Variants in CNBD1 observed in about 807,000 individuals in gnomAD.
The protein encoded by CNBD1 is cyclic nucleotide-binding domain-containing protein 1.
Under a neutral mutation model 54.4 loss-of-function variants are expected in CNBD1, and 71 were observed. That is an observed-to-expected ratio of 1.30 (90% confidence interval 1.08 to 1.59). The LOEUF (loss-of-function observed/expected upper bound fraction) is 1.59, where lower values mean the gene tolerates loss of function less well. Among genes scored for constraint, CNBD1 ranks in the 40% most tolerant of loss-of-function variants. The pLI is 0.00. For missense variants in CNBD1, 659 were observed against 518.0 expected (o/e 1.27, Z -2.64); for synonymous variants, 182 against 170.7 (o/e 1.07, Z -0.51).
At chr8:86,894,938 C>T (rs1157137299) in intron 2 of CNBD1, among the ~76,000 whole-genome samples, 2 of 152,098 alleles carry the variant, frequency 1.3e-5, no homozygotes, top group Non-Finnish European at 2.9e-5. Context: ...TCGCATCTGG[C>T]AAGGGTGATC....
At chr8:87,389,227 C>T (rs1167691129) in intron 2 of CNBD1, among the ~76,000 whole-genome samples, 2 of 152,128 alleles carry the variant, frequency 1.3e-5, no homozygotes, top group Admixed American at 6.5e-5. Flanking sequence ...TGCTATTCAA[C>T]ATAGTGTTGG....
At chr8:87,061,165 A>G (rs1474442460) in intron 4 of CNBD1, among the ~76,000 whole-genome samples, 12 of 152,178 alleles carry the variant, frequency 7.9e-5, no homozygotes, top group Admixed American at 7.9e-4. Flanking sequence ...CTCTTGTACC[A>G]TTGGAAAAAA....
chr8:87,356,595 C>T (rs966074827), intron 10 of CNBD1, among the ~76,000 whole-genome samples: 5 of 151,008 alleles, frequency 3.3e-5, no homozygotes, highest in South Asian at 2.1e-4. Flanking sequence ...CATCCAACAA[C>T]GTACAATCAT....
At chr8:87,362,543 T>C (rs1250133482) in intron 10 of CNBD1, among the ~76,000 whole-genome samples, 1 of 152,066 alleles carries the variant, frequency 6.6e-6, no homozygotes, top group East Asian at 1.9e-4. Context: ...TTGAGACAGA[T>C]TTTTAATCAT....
At chr8:86,887,656 G>A (rs1345992543) in intron 2 of CNBD1, 45 bp downstream of exon 2, 6 of 1,348,240 alleles carry the variant, frequency 4.5e-6, no homozygotes, top group Non-Finnish European at 6.2e-6. Context: ...AAATGAATAT[G>A]AGTATTTTTG....
At chr8:87,150,840 T>C (rs974270752) in intron 4 of CNBD1, among the ~76,000 whole-genome samples, 27 of 152,148 alleles carry the variant, frequency 1.8e-4, no homozygotes, top group Middle Eastern at 3.2e-3. Flanking sequence ...AAGAGATAGC[T>C]CTTGGGTGCT....
intron 4 of CNBD1, among the ~76,000 whole-genome samples, chr8:86,996,447 TA>T (rs1271757160): frequency 6.6e-6 from 1 of 152,376 alleles, no homozygotes; most frequent in African/African-American, 2.4e-5. Flanking sequence ...AACTAGTTTA[TA>T]AACCTGATCA....
intron 9 of CNBD1, 33 bp downstream of exon 9, chr8:87,351,827 T>A (rs975024097): frequency 6.3e-6 from 9 of 1,422,286 alleles, no homozygotes; most frequent in Non-Finnish European, 8.3e-6. Context: ...TTTTAATCAA[T>A]TAATCTACTC....
In CNBD1 at chr8:86,946,228, A is replaced by G. The variant is rs368793352; in HGVS notation, c.431+6474A>G. 3.9e-5 allele frequency among the ~76,000 whole-genome samples: 6 copies of G among 152,288 alleles called. No individual in the cohort carries two copies. In the East Asian group the frequency reaches 5.8e-4, roughly 15 times the overall value. Reference sequence around the variant, plus strand: ...TAATAATGTGTTTCATTTTTAATATATTCAAGAAAGAATATTCAAATTTCT... The same window carrying G: ...TAATAATGTGTTTCATTTTTAATATGTTCAAGAAAGAATATTCAAATTTCT... On this transcript the variant is annotated intron_variant, in intron 4 of 10. Transcript: ENST00000518476.
At chr8:87,107,628 C>T (rs1022779628) in intron 4 of CNBD1, among the ~76,000 whole-genome samples, 3 of 152,176 alleles carry the variant, frequency 2.0e-5, no homozygotes, top group Non-Finnish European at 4.4e-5. Flanking sequence ...CTAGTATATC[C>T]TTGTATCCCT....
intron 8 of CNBD1, among the ~76,000 whole-genome samples, chr8:87,319,827 AT>A (rs1298274998): frequency 6.6e-6 from 1 of 152,102 alleles, no homozygotes; most frequent in African/African-American, 2.4e-5. Context: ...TGTTCATTTT[AT>A]GCTTAGATAA....
At chr8:87,325,448 G>A (rs1254719971) in intron 8 of CNBD1, among the ~76,000 whole-genome samples, 1 of 89,214 alleles carries the variant, frequency 1.1e-5, no homozygotes, top group Non-Finnish European at 2.2e-5. Flanking sequence ...AAGTCTCTTT[G>A]TAGGTCACTC....
At chr8:87,067,968 T>C (rs1810687860) in intron 4 of CNBD1, among the ~76,000 whole-genome samples, 1 of 152,024 alleles carries the variant, frequency 6.6e-6, no homozygotes, top group Admixed American at 6.6e-5. Context: ...TAAAAAATAA[T>C]AGCCAAATAA....
intron 4 of CNBD1, among the ~76,000 whole-genome samples, chr8:87,042,355 G>A (rs939806165): frequency 1.3e-5 from 2 of 152,116 alleles, no homozygotes; most frequent in Admixed American, 1.3e-4. Flanking sequence ...TTAAAACCAC[G>A]GTCTTGAAAA....
At chr8:87,245,697 A>C (rs1807787837) in intron 6 of CNBD1, among the ~76,000 whole-genome samples, 1 of 151,930 alleles carries the variant, frequency 6.6e-6, no homozygotes. Flanking sequence ...GAAGCGCCTG[A>C]TATTGTGTAC....
chr8:86,977,862 G>C (rs558909366), intron 4 of CNBD1, among the ~76,000 whole-genome samples: 1 of 152,032 alleles, frequency 6.6e-6, no homozygotes, highest in Non-Finnish European at 1.5e-5. Context: ...AAAGAGAAGT[G>C]AATACTTCCA....
At chr8:87,148,161 A>G (rs184283045) in intron 4 of CNBD1, among the ~76,000 whole-genome samples, 2 of 152,322 alleles carry the variant, frequency 1.3e-5, no homozygotes, top group African/African-American at 4.8e-5. Context: ...GCTTTTACAA[A>G]TTAAATTCAT....
chr8:87,083,427 C>T (rs1342419505), intron 4 of CNBD1, among the ~76,000 whole-genome samples: 3 of 152,078 alleles, frequency 2.0e-5, no homozygotes, highest in Non-Finnish European at 4.4e-5. Flanking sequence ...TTGGTCTCCA[C>T]AATCTTTTAT....
chr8:87,379,500 A>G (rs1470856808), intron 10 of CNBD1, among the ~76,000 whole-genome samples: 1 of 151,994 alleles, frequency 6.6e-6, no homozygotes, highest in East Asian at 1.9e-4. Context: ...TCCCCAGCAA[A>G]TGTAAAAGAA....
Sources: allele counts gnomAD v4.1 joint callset (sites outside exome capture counted in the v4.1 genomes callset), GRCh38; gene constraint gnomAD v4.1.1; transcripts MANE v1.5; gene names NCBI Gene and HGNC (gene_info 2026-07-23, HGNC 2026-07-21).